The following SYT9 variants were observed in gnomAD, a reference collection of about 807,000 sequenced individuals.
SYT9 encodes the protein synaptotagmin 9.
Under a neutral mutation model 48.4 loss-of-function variants are expected in SYT9, and 22 were observed. The ratio of observed to expected loss-of-function variants is 0.45; its 90% confidence interval spans 0.32 to 0.65. The LOEUF (loss-of-function observed/expected upper bound fraction) is 0.65. Among genes scored for constraint, SYT9 ranks in the 30% least tolerant of loss-of-function variants. The pLI is 0.03. For missense variants in SYT9, 577 were observed against 622.0 expected (o/e 0.93, Z 0.77); for synonymous variants, 265 against 245.0 (o/e 1.08, Z -0.76).
chr11:7,389,690 G>GA (rs1850726363), intron 3 of SYT9, among the ~76,000 whole-genome samples: 1 of 152,066 alleles, frequency 6.6e-6, no homozygotes, highest in Non-Finnish European at 1.5e-5. Context: ...AAAGCGAGAA[G>GA]AAAGTATTCT....
chr11:7,320,277 G>A (rs926120883), intron 3 of SYT9, among the ~76,000 whole-genome samples: 1 of 152,078 alleles, frequency 6.6e-6, no homozygotes, highest in African/African-American at 2.4e-5. Context: ...CATATACACT[G>A]GTTTACTTCT....
At chr11:7,394,981 G>C (rs1039570383) in intron 3 of SYT9, among the ~76,000 whole-genome samples, 16 of 151,664 alleles carry the variant, frequency 1.1e-4, no homozygotes, top group African/African-American at 3.9e-4. Context: ...TAAAATATGT[G>C]GTTTTGAGAG....
intron 6 of SYT9, among the ~76,000 whole-genome samples, chr11:7,447,019 G>A (rs1384729751): frequency 1.3e-5 from 2 of 152,228 alleles, no homozygotes; most frequent in Non-Finnish European, 2.9e-5. Flanking sequence ...ACTATTTGCA[G>A]TTTGGCAACA....
intron 3 of SYT9, among the ~76,000 whole-genome samples, chr11:7,372,915 A>G (rs1370268524): frequency 1.3e-5 from 2 of 152,108 alleles, no homozygotes; most frequent in African/African-American, 2.4e-5. Flanking sequence ...TAATGTTATT[A>G]GTGTTACAGT....
At chr11:7,404,372 C>A (rs1846961251) in intron 3 of SYT9, among the ~76,000 whole-genome samples, 1 of 152,058 alleles carries the variant, frequency 6.6e-6, no homozygotes, top group South Asian at 2.1e-4. Flanking sequence ...CTCTTCTAAT[C>A]TTTTTCTCTT....
chr11:7,290,036 G>A (rs187823099), intron 1 of SYT9, among the ~76,000 whole-genome samples: 3 of 152,318 alleles, frequency 2.0e-5, no homozygotes, highest in Admixed American at 6.5e-5. Flanking sequence ...AGACAGATCC[G>A]TGATCTGGGG....
At chr11:7,443,189 G>A (rs1847860271) in intron 6 of SYT9, among the ~76,000 whole-genome samples, 1 of 152,166 alleles carries the variant, frequency 6.6e-6, no homozygotes, top group African/African-American at 2.4e-5. Flanking sequence ...AAGTGGAGTT[G>A]GAGAATTTAT....
chr11:7,323,482 A>C (rs570489682), intron 3 of SYT9, among the ~76,000 whole-genome samples: 1 of 151,830 alleles, frequency 6.6e-6, no homozygotes, highest in African/African-American at 2.4e-5. Context: ...GTTTTATTAC[A>C]TTTATTACAA....
At chr11:7,244,096 C>T (rs548352209) in intron 1 of SYT9, among the ~76,000 whole-genome samples, 6 of 152,264 alleles carry the variant, frequency 3.9e-5, no homozygotes, top group African/African-American at 9.6e-5. Flanking sequence ...TACTAAGAGA[C>T]GGCAGAGGAG....
intron 3 of SYT9, among the ~76,000 whole-genome samples, chr11:7,346,195 G>A (rs868184222): frequency 3.3e-5 from 5 of 152,182 alleles, no homozygotes; most frequent in Non-Finnish European, 7.3e-5. Context: ...AAATAGCTCC[G>A]TGGCACATTT....
intron 1 of SYT9, among the ~76,000 whole-genome samples, chr11:7,278,466 GC>G (rs1289558663): frequency 6.6e-6 from 1 of 152,132 alleles, no homozygotes; most frequent in African/African-American, 2.4e-5. Context: ...GTTTTACTGA[GC>G]CCTAAGATTC....
At chr11:7,323,013 T>C (rs913518128) in intron 3 of SYT9, among the ~76,000 whole-genome samples, 1 of 152,208 alleles carries the variant, frequency 6.6e-6, no homozygotes, top group Non-Finnish European at 1.5e-5. Context: ...TGTACATAAC[T>C]AGTTCTTTTT....
intron 6 of SYT9, among the ~76,000 whole-genome samples, chr11:7,442,616 G>T (rs1590033800): frequency 1.3e-5 from 2 of 152,062 alleles, no homozygotes; most frequent in South Asian, 2.1e-4. Flanking sequence ...ATGACACTGG[G>T]CTTCTCTGGA....
At chr11:7,276,393 T>C (rs949414675) in intron 1 of SYT9, among the ~76,000 whole-genome samples, 1 of 152,184 alleles carries the variant, frequency 6.6e-6, no homozygotes, top group Non-Finnish European at 1.5e-5. Context: ...GCCAGAGTGG[T>C]CTTTCTAAAA....
intron 6 of SYT9, among the ~76,000 whole-genome samples, chr11:7,449,108 C>T (rs1847991768): frequency 6.6e-6 from 1 of 151,996 alleles, no homozygotes; most frequent in Non-Finnish European, 1.5e-5. Context: ...CTTTGGGAGG[C>T]CAAGGTGGGC....
At chr11:7,296,262 G>C (rs948111944) in intron 1 of SYT9, among the ~76,000 whole-genome samples, 2 of 152,192 alleles carry the variant, frequency 1.3e-5, no homozygotes, top group African/African-American at 4.8e-5. Flanking sequence ...TGCATATCTT[G>C]ACTGTATAAT....
intron 3 of SYT9, among the ~76,000 whole-genome samples, chr11:7,349,185 G>A (rs1014925812): frequency 4.7e-5 from 7 of 148,366 alleles, no homozygotes; most frequent in African/African-American, 1.7e-4. Flanking sequence ...CACGAGCATT[G>A]CCGGGGACTG....
At chr11:7,373,927 A>G (rs1484574380) in intron 3 of SYT9, among the ~76,000 whole-genome samples, 1 of 151,776 alleles carries the variant, frequency 6.6e-6, no homozygotes, top group Non-Finnish European at 1.5e-5. Flanking sequence ...GAGTTCTTTT[A>G]TTATTATTAT....
chr11:7,242,642 T>A (rs1334085486), intron 1 of SYT9, among the ~76,000 whole-genome samples: 1 of 152,094 alleles, frequency 6.6e-6, no homozygotes, highest in African/African-American at 2.4e-5. Flanking sequence ...TGTTTCCCAA[T>A]AAGAGCTTTG....
Sources: gnomAD v4.1 joint callset for allele counts (sites outside exome capture counted in the v4.1 genomes callset) on GRCh38, gnomAD v4.1.1 for gene constraint, MANE v1.5 for transcripts, NCBI Gene and HGNC (gene_info 2026-07-23, HGNC 2026-07-21) for gene names.